CLCC1: variants seen among roughly 807,000 people sequenced by gnomAD.
The protein encoded by CLCC1 is chloride channel CLIC-like protein 1.
Under a neutral mutation model 63.3 loss-of-function variants are expected in CLCC1, and 39 were observed. The observed-to-expected ratio is 0.62, with a 90% CI of 0.48 to 0.81. The LOEUF (loss-of-function observed/expected upper bound fraction) is 0.81. Among genes scored for constraint, CLCC1 ranks in the 30% least tolerant of loss-of-function variants. The probability of loss-of-function intolerance (pLI) is 0.00; values close to 1 mark genes in which losing one functional copy is unlikely to be tolerated. For missense variants in CLCC1, 549 were observed against 669.4 expected, an observed-to-expected ratio of 0.82 and a Z score of 1.98; for synonymous variants, 217 against 239.8, an observed-to-expected ratio of 0.90 and a Z score of 0.88.
chr1:108,937,663 T>C (rs955201760), intron 10 of CLCC1, among the ~76,000 whole-genome samples: 5 of 152,260 alleles, frequency 3.3e-5, no homozygotes, highest in African/African-American at 7.2e-5. Flanking sequence ...CACATTTCGA[T>C]TGAACTATAA....
Position 108,934,631 on chromosome 1 carries a change from C to G in CLCC1, c.*39G>C. ...AGTGAAGAGTATACTTTACAAAGCT[C>G]GAAGGAGACTTGAGGCTGTCGTTTG... On this transcript the variant is annotated 3_prime_UTR_variant, in exon 12 of 13. Transcript: ENST00000369969. The G allele has an allele frequency of 2.5e-6, 4 of 1,594,190 alleles. No individual in the cohort carries two copies. Among genetic ancestry groups the G allele is most frequent in the Non-Finnish European group, 2.6e-6 (3 of 1,169,138 alleles).
intron 10 of CLCC1, among the ~76,000 whole-genome samples, chr1:108,938,720 G>A (rs541421917): frequency 1.4e-4 from 22 of 152,254 alleles, no homozygotes; most frequent in African/African-American, 5.3e-4. Flanking sequence ...TTCTGGTTCT[G>A]TGTCAAACTC....
At position 108,929,953 on chromosome 1, in the gene CLCC1, TA is replaced by T; in HGVS notation, c.*2593del. On this transcript the variant is annotated 3_prime_UTR_variant, in exon 13 of 13. Coordinates refer to ENST00000369969, the MANE Select transcript of CLCC1 (RefSeq NM_001377458.1). ...GGCAGACCATTAGTTACTATGGATT[TA>T]TTTTTTTTCCTTTCAAACACGGTAA... The T allele has an allele frequency of 4.3e-6, 7 of 1,610,034 alleles. No homozygotes were observed. Among genetic ancestry groups the T allele is most frequent in the Non-Finnish European group, 5.9e-6 (7 of 1,176,876 alleles).
intron 6 of CLCC1, 109 bp from the exon 7 acceptor site, chr1:108,943,724 C>A: frequency 6.8e-7 from 1 of 1,473,398 alleles, no homozygotes; most frequent in Admixed American, 1.9e-5. Flanking sequence ...GCTTGTTCAT[C>A]AATACGGTAT....
In CLCC1 at chr1:108,939,763, G is replaced by A; in HGVS notation, c.914C>T (p.Thr305Ile). 6.2e-7 allele frequency: 1 copy of A among 1,614,016 alleles called. No homozygotes were observed. Among genetic ancestry groups the A allele is most frequent in the Non-Finnish European group, 8.5e-7 (1 of 1,179,962 alleles). ...PPTKALAVTF[T>I]TFVTEPLKHI... is the part of the protein sequence containing the mutation. ...CTTCAATGGCTCCGTTACAAATGTG[G>A]TGAATGTAACTGCAAGTGCCTAAAA... Residue 305 changes from threonine (T) to isoleucine (I), a missense_variant, in exon 10 of 13, where the codon ACC (threonine) becomes ATC (isoleucine). Thr to Ile is a moderately conservative substitution (Grantham distance 89). Transcript: ENST00000369969.
chr1:108,930,873 A>T lies in CLCC1; in HGVS notation c.*1674T>A, dbSNP rs1032413840. 1 of 147,598 alleles carries T rather than the reference A, an allele frequency of 6.8e-6. No homozygotes were observed. The highest frequency in any genetic ancestry group is 2.6e-5 in the African/African-American group (1 of 37,976). The allele number at this position is 147,598 out of a possible 1,614,324, so 9.1% of individuals were successfully genotyped here. ...GCCACTGGACTCCAGCCTGAGTGAC[A>T]GAGCAAGACTCTGTCTCAAAAAAAA... On this transcript the variant is annotated 3_prime_UTR_variant, in exon 13 of 13. Coordinates refer to ENST00000369969, the MANE Select transcript of CLCC1 (RefSeq NM_001377458.1).
chr1:108,944,786 C>G (rs945549260), intron 5 of CLCC1, among the ~76,000 whole-genome samples: 1 of 152,110 alleles, frequency 6.6e-6, no homozygotes, highest in South Asian at 2.1e-4. Flanking sequence ...CCCGCCACTA[C>G]GCCTGGCTAA....
chr1:108,957,031 G>T (rs1369354592), intron 2 of CLCC1, among the ~76,000 whole-genome samples: 1 of 151,306 alleles, frequency 6.6e-6, no homozygotes, highest in Non-Finnish European at 1.5e-5. Context: ...CATTACTATG[G>T]CTACTATGTA....
chr1:108,954,325 AAAC>A (rs138923925), intron 2 of CLCC1, among the ~76,000 whole-genome samples: 1 of 149,882 alleles, frequency 6.7e-6, no homozygotes, highest in Non-Finnish European at 1.5e-5. Context: ...GTCTCTAATA[AAAC>A]AACAACAACA....
intron 2 of CLCC1, among the ~76,000 whole-genome samples, chr1:108,951,221 A>T (rs991300256): frequency 6.6e-6 from 1 of 152,154 alleles, no homozygotes; most frequent in Admixed American, 6.5e-5. Flanking sequence ...AATGAAAAAA[A>T]TAACCAAAAA....
intron 5 of CLCC1, among the ~76,000 whole-genome samples, chr1:108,944,375 CAGA>C (rs1483494158): frequency 6.6e-6 from 1 of 151,860 alleles, no homozygotes; most frequent in East Asian, 1.9e-4. Flanking sequence ...CAGGCTGAGG[CAGA>C]AGAATTGTCT....
In CLCC1 at chr1:108,929,892, T is replaced by C. The variant is rs1389964715; in HGVS notation, c.*2655A>G. On this transcript the variant is annotated 3_prime_UTR_variant, in exon 13 of 13. Transcript: ENST00000369969. ...GGCTAAAGGACTTTTTGCAAAATAA[T>C]GCTTTGTTGGAGTTTAAAAATTCAG... The C allele has an allele frequency of 6.2e-7, 1 of 1,613,782 alleles. No homozygotes were observed. The highest frequency in any genetic ancestry group is 8.5e-7 in the Non-Finnish European group (1 of 1,179,632).
At position 108,939,758 on chromosome 1, in the gene CLCC1, A is replaced by G. The variant is rs1348904353; in HGVS notation, c.919T>C (p.Phe307Leu). 1.9e-6 allele frequency: 3 copies of G among 1,613,996 alleles called. No individual in the cohort carries two copies. In the Admixed American group the frequency reaches 5.0e-5, roughly 27 times the overall value. Reference protein sequence around the residue: ...TKALAVTFTTFVTEPLKHIGK... With the variant: ...TKALAVTFTTLVTEPLKHIGK... ...ATATGCTTCAATGGCTCCGTTACAA[A>G]TGTGGTGAATGTAACTGCAAGTGCC... Residue 307 changes from phenylalanine to leucine, a missense_variant, in exon 10 of 13, where the codon TTT becomes CTT. Physicochemically the swap from Phe to Leu is conservative, Grantham distance 22. Coordinates refer to ENST00000369969, the MANE Select transcript of CLCC1 (RefSeq NM_001377458.1).
chr1:108,936,476 T>C (rs1307938608), intron 11 of CLCC1, among the ~76,000 whole-genome samples: 2 of 152,264 alleles, frequency 1.3e-5, no homozygotes, highest in African/African-American at 2.4e-5. Flanking sequence ...GATTCTATTA[T>C]GCTCATAACT....
At chr1:108,950,680 T>A (rs1340057898) in intron 2 of CLCC1, among the ~76,000 whole-genome samples, 3 of 151,854 alleles carry the variant, frequency 2.0e-5, no homozygotes, top group Non-Finnish European at 4.4e-5. Context: ...GGATAATTTT[T>A]TTTTTTTAAT....
At chr1:108,961,622 G>A (rs1006586041) in intron 2 of CLCC1, among the ~76,000 whole-genome samples, 1 of 152,168 alleles carries the variant, frequency 6.6e-6, no homozygotes, top group African/African-American at 2.4e-5. Flanking sequence ...CACCTTGGGA[G>A]GCCAAGGCGG....
At chr1:108,943,337 A>T in intron 7 of CLCC1, 138 bp downstream of exon 7, 1 of 799,488 alleles carries the variant, frequency 1.3e-6, no homozygotes, top group Non-Finnish European at 2.0e-6. Context: ...GTGTCCATTT[A>T]ATTCCTCTCC....
intron 5 of CLCC1, 54 bp from the exon 6 acceptor site, chr1:108,944,111 T>A: frequency 7.6e-7 from 1 of 1,318,958 alleles, no homozygotes; most frequent in African/African-American, 1.5e-5. Context: ...TATTACTACT[T>A]GGTGAACCAT....
In CLCC1 at chr1:108,937,334, G is replaced by C. The variant is rs765297839; in HGVS notation, c.1126C>G (p.Pro376Ala). 1 of 1,614,162 alleles carries C rather than the reference G, an allele frequency of 6.2e-7. No individual in the cohort carries two copies. Among genetic ancestry groups the C allele is most frequent in the Non-Finnish European group, 8.5e-7 (1 of 1,180,022 alleles). Residue 376 changes from proline (P) to alanine (A), a missense_variant, in exon 11 of 13, where the codon CCA becomes GCA. Coordinates refer to ENST00000369969, the MANE Select transcript of CLCC1 (RefSeq NM_001377458.1). ...PESEPPQALR[P>A]RDRRRQEEID... ...TCCTCCTGCCGTCTTCTATCCCGTG[G>C]CCGAAGTGCCTGGGGAGGTTCGCTC...
Sources: allele counts gnomAD v4.1 joint callset (sites outside exome capture counted in the v4.1 genomes callset), GRCh38; gene constraint gnomAD v4.1.1; transcripts MANE v1.5; gene names NCBI Gene and HGNC (gene_info 2026-07-23, HGNC 2026-07-21).